PJVK: variants seen among roughly 807,000 people sequenced by gnomAD.
PJVK encodes autosomal recessive deafness type 59 protein.
Under a neutral mutation model 37.6 loss-of-function variants are expected in PJVK, and 33 were observed. The ratio of observed to expected loss-of-function variants is 0.88; its 90% CI spans 0.67 to 1.17. PJVK has a LOEUF of 1.17. PJVK is among the 50% of genes most tolerant of loss of function. PJVK has a pLI of 0.00. For synonymous variants in PJVK, 141 were observed against 143.5 expected (o/e 0.98, Z 0.13); for missense variants, 410 against 413.8 (o/e 0.99, Z 0.08).
Position 178,461,584 on chromosome 2 carries a change from C to CTTTTT in PJVK, c.*324_*328dup, listed in dbSNP as rs536141412. On this transcript the variant is annotated 3_prime_UTR_variant, in exon 7 of 7. Transcript: ENST00000644580. ...GATGTAGTCTATCATTTTAGTTCAC[C>CTTTTT]TTTTTTTTTTTTTTTTTTGAGACAG... Among the ~76,000 whole-genome samples the CTTTTT allele has an allele frequency of 0.11, 13,158 of 122,320 alleles. 1,168 individuals carry two copies. Among genetic ancestry groups the CTTTTT allele is most frequent in the East Asian group, 0.42 (1,525 of 3,600 alleles). 80.2% of individuals were successfully genotyped at this position (122,320 alleles called of 152,430 possible).
chr2:178,452,807 T>C, intron 1 of PJVK: 1 of 183,946 alleles, frequency 5.4e-6, no homozygotes, highest in Non-Finnish European at 1.0e-5. Flanking sequence ...CATATAATTG[T>C]TTATATCTGT....
Position 178,461,505 on chromosome 2 carries a change from C to T in PJVK, c.*231C>T, listed in dbSNP as rs1165059498. Reference sequence around the variant, plus strand: ...CATTGTTTATATCAAAAAAGATTTACATATAAAATTCAGAGATTATGAATC... The same window carrying T: ...CATTGTTTATATCAAAAAAGATTTATATATAAAATTCAGAGATTATGAATC... On this transcript the variant is annotated 3_prime_UTR_variant, in exon 7 of 7. Transcript: ENST00000644580. 6.9e-6 allele frequency: 3 copies of T among 431,914 alleles called. No homozygotes were observed. Among genetic ancestry groups the T allele is most frequent in the Non-Finnish European group, 1.2e-5 (3 of 241,060 alleles). 26.8% of individuals were successfully genotyped at this position (431,914 alleles called of 1,614,324 possible).
intron 5 of PJVK, among the ~76,000 whole-genome samples, chr2:178,458,922 C>T (rs1025457004): frequency 1.3e-5 from 2 of 152,106 alleles, no homozygotes; most frequent in Non-Finnish European, 2.9e-5. Flanking sequence ...CCTTAGCTTA[C>T]ATGGGGAGAT....
In PJVK at chr2:178,458,031, G is replaced by A. The variant is rs568488724; in HGVS notation, c.550-479G>A. ...GTCTTTGCAAATAAAAGTTATTTTC[G>A]CATATTCAGCTGCCTGTCAAATTCT... is the stretch of plus-strand genomic sequence containing the variant. On this transcript the variant is annotated intron_variant, in intron 4 of 6. Transcript: ENST00000644580. 2.4e-4 allele frequency among the ~76,000 whole-genome samples: 37 copies of A among 152,202 alleles called. No homozygotes were observed. The South Asian group carries it at 7.7e-3, about 32-fold the overall frequency.
At chr2:178,458,717 T>C in intron 5 of PJVK, 90 bp downstream of exon 5, 1 of 1,059,250 alleles carries the variant, frequency 9.4e-7, no homozygotes, top group South Asian at 1.3e-5. Flanking sequence ...TTTTCTCTCA[T>C]TTCTCGTGTC....
intron 3 of PJVK, chr2:178,455,026 TGGTGGTG>T: frequency 8.9e-7 from 1 of 1,122,562 alleles, no homozygotes; most frequent in Non-Finnish European, 1.4e-6. Context: ...GGGAAGGACG[TGGTGGTG>T]GCATCCAACG....
chr2:178,451,719 C>G lies in PJVK; in HGVS notation c.-73C>G. The G allele has an allele frequency of 9.3e-6, 9 of 965,620 alleles. No individual in the cohort carries two copies. The highest frequency in any genetic ancestry group is 1.1e-5 in the Non-Finnish European group (9 of 811,824). The allele number at this position is 965,620 out of a possible 1,614,324, so 59.8% of individuals were successfully genotyped here. ...CGTCCAAACACCCGCTCCTCTCCCG[C>G]CGGGCGGGCTCCTTTGTCTTCTGGG... On this transcript the variant is annotated 5_prime_UTR_variant, in exon 1 of 7. Transcript: ENST00000644580.
chr2:178,453,396 G>C lies in PJVK; in HGVS notation c.-14G>C. On this transcript the variant is annotated 5_prime_UTR_variant, in exon 2 of 7. Transcript: ENST00000644580. ...TTATCTGGGGGTTGCAGTTGATGAC[G>C]TTTTGATTTTAATATGTTTGCTGCT... 6.2e-7 allele frequency: 1 copy of C among 1,613,884 alleles called. No homozygotes were observed. Among genetic ancestry groups the C allele is most frequent in the Non-Finnish European group, 8.5e-7 (1 of 1,179,908 alleles).
chr2:178,451,767 T>C lies in PJVK; in HGVS notation c.-25T>C. 1.0e-6 allele frequency: 1 copy of C among 985,468 alleles called. No homozygotes were observed. The highest frequency in any genetic ancestry group is 4.7e-5 in the South Asian group (1 of 21,284). 61.0% of individuals were successfully genotyped at this position (985,468 alleles called of 1,614,324 possible). On this transcript the variant is annotated splice_region_variant and 5_prime_UTR_variant, in exon 1 of 7. Coordinates refer to ENST00000644580, the MANE Select transcript of PJVK (RefSeq NM_001042702.5). ...GGGCTTTCGTCGCGAGATGGAACGC[T>C]GGGTCAGTGCATCCCAGCAAAACAC...
rs147220385 is a variant in PJVK at position 178,454,699 on chromosome 2, C to T, written c.407+172C>T. 2.2e-4 allele frequency: 324 copies of T among 1,504,414 alleles called. No homozygotes were observed. In the African/African-American group the frequency reaches 4.2e-3, roughly 20 times the overall value. 93.2% of individuals were successfully genotyped at this position (1,504,414 alleles called of 1,614,324 possible). On this transcript the variant is annotated intron_variant, in intron 3 of 6. Coordinates refer to ENST00000644580, the MANE Select transcript of PJVK (RefSeq NM_001042702.5). Reference sequence around the variant, plus strand: ...CCAAACTTTGAATAAGGATAGATATCAAAAATCACTTGGCTGAAGTCAGAG... The same window carrying T: ...CCAAACTTTGAATAAGGATAGATATTAAAAATCACTTGGCTGAAGTCAGAG...
rs776380686 is a variant in PJVK, at chr2:178,461,977, C to G, written c.*703C>G. ...AATATGTAAGGATGACAAGACTGCA[C>G]AAGTAGCAACTTTTGGTGTTTCAAC... On this transcript the variant is annotated 3_prime_UTR_variant, in exon 7 of 7. Coordinates refer to ENST00000644580, the MANE Select transcript of PJVK (RefSeq NM_001042702.5). Among the ~76,000 whole-genome samples the G allele has an allele frequency of 7.2e-5, 11 of 152,230 alleles. No homozygotes were observed. The highest frequency in any genetic ancestry group is 1.0e-4 in the Non-Finnish European group (7 of 68,034).
intron 5 of PJVK, 28 bp from the exon 6 acceptor site, chr2:178,460,320 T>A (rs1364543274): frequency 6.5e-7 from 1 of 1,537,546 alleles, no homozygotes; most frequent in African/African-American, 1.4e-5. Context: ...ATTCAAGTTA[T>A]AACATCTTCT....
chr2:178,452,137 A>G (rs1697711158), intron 1 of PJVK, among the ~76,000 whole-genome samples: 1 of 151,918 alleles, frequency 6.6e-6, no homozygotes, highest in Non-Finnish European at 1.5e-5. Context: ...TACTAAAAAT[A>G]CAAAAATTAG....
chr2:178,460,122 G>A (rs374490650), intron 5 of PJVK: 25 of 516,906 alleles, frequency 4.8e-5, no homozygotes, highest in Admixed American at 1.3e-4. Context: ...AGCCCCTGAG[G>A]TAGAAGACTG....
At chr2:178,460,785 G>T (rs1312309763) in intron 6 of PJVK, among the ~76,000 whole-genome samples, 197 bp from the exon 7 acceptor site, 1 of 139,280 alleles carries the variant, frequency 7.2e-6, no homozygotes, top group Non-Finnish European at 1.5e-5. Context: ...GGAGGCGGAG[G>T]TTGTAGTAAG....
chr2:178,454,697 A>G (rs1468140298), intron 3 of PJVK, 170 bp downstream of exon 3: 1 of 1,496,838 alleles, frequency 6.7e-7, no homozygotes, highest in East Asian at 2.4e-5. Context: ...AAGGATAGAT[A>G]TCAAAAATCA....
At chr2:178,451,793 G>C (rs1007949818) in intron 1 of PJVK, 24 bp downstream of exon 1, 2 of 985,318 alleles carry the variant, frequency 2.0e-6, no homozygotes, top group Admixed American at 1.2e-4. Flanking sequence ...AGCAAAACAC[G>C]TTAGGAGTAA....
intron 3 of PJVK, chr2:178,454,814 T>C (rs1195999387): frequency 1.4e-6 from 2 of 1,396,868 alleles, no homozygotes; most frequent in East Asian, 2.3e-5. Flanking sequence ...CAGAGAATCA[T>C]GAGGCCCAGA....
At chr2:178,456,202 A>AT (rs772791707) in intron 4 of PJVK, 51 bp downstream of exon 4, 2 of 1,593,566 alleles carry the variant, frequency 1.3e-6, no homozygotes, top group South Asian at 1.1e-5. Context: ...TGCCATGGGA[A>AT]TTTTTTTAAG....
Sources: allele counts gnomAD v4.1 joint callset (sites outside exome capture counted in the v4.1 genomes callset), GRCh38; gene constraint gnomAD v4.1.1; transcripts MANE v1.5; gene names NCBI Gene and HGNC (gene_info 2026-07-23, HGNC 2026-07-21).